Variants in POLN observed in about 807,000 individuals in gnomAD.
The protein encoded by POLN is DNA polymerase N.
POLN carries 108 observed loss-of-function variants against 113.5 expected under a neutral mutation model. The observed-to-expected ratio is 0.95, with a 90% CI of 0.81 to 1.12. The LOEUF (loss-of-function observed/expected upper bound fraction) is 1.12, where lower values mean the gene tolerates loss of function less well. Among genes scored for constraint, POLN ranks in the 50% most tolerant of loss-of-function variants. The pLI is 0.00. For missense variants in POLN, 1,097 were observed against 1,077.1 expected (o/e 1.02, Z -0.26); for synonymous variants, 386 against 391.5 (o/e 0.99, Z 0.17).
chr4:2,212,869 C>G (rs1014931111), intron 4 of POLN, among the ~76,000 whole-genome samples, 178 bp downstream of exon 4: 1 of 151,950 alleles, frequency 6.6e-6, no homozygotes. Flanking sequence ...CTCATGGCAC[C>G]TACTTGCCCC....
At chr4:2,206,317 C>T (rs1247179839) in intron 5 of POLN, among the ~76,000 whole-genome samples, 1 of 152,150 alleles carries the variant, frequency 6.6e-6, no homozygotes, top group African/African-American at 2.4e-5. Context: ...ATGGGAAAAA[C>T]CCTTCCAGAA....
chr4:2,157,465 G>A (rs561236621), intron 15 of POLN, among the ~76,000 whole-genome samples: 25 of 152,154 alleles, frequency 1.6e-4, no homozygotes, highest in African/African-American at 5.8e-4. Flanking sequence ...GGTAGCTCAC[G>A]CCTGTAATCC....
chr4:2,163,254 T>C (rs965573658), intron 13 of POLN, among the ~76,000 whole-genome samples: 4 of 152,218 alleles, frequency 2.6e-5, no homozygotes, highest in African/African-American at 7.2e-5. Context: ...GCAGTTTTTG[T>C]AGAAAAGCTA....
intron 15 of POLN, among the ~76,000 whole-genome samples, chr4:2,157,597 C>T (rs548907402): frequency 6.6e-6 from 1 of 151,828 alleles, no homozygotes; most frequent in Non-Finnish European, 1.5e-5. Flanking sequence ...GTGGCGGACA[C>T]CTGTAATCCC....
intron 2 of POLN, among the ~76,000 whole-genome samples, chr4:2,232,813 T>C (rs934690444): frequency 6.6e-6 from 1 of 152,178 alleles, no homozygotes; most frequent in East Asian, 1.9e-4. Flanking sequence ...CAAGTTTCCA[T>C]AGCTTTCTAA....
intron 25 of POLN, 41 bp from the exon 26 acceptor site, chr4:2,072,340 G>C: frequency 6.9e-7 from 1 of 1,455,586 alleles, no homozygotes; most frequent in Non-Finnish European, 9.1e-7. Context: ...GCCTGGGCCA[G>C]CCACCCCCAG....
intron 16 of POLN, among the ~76,000 whole-genome samples, chr4:2,135,775 C>T (rs1019502097): frequency 2.0e-5 from 3 of 152,200 alleles, no homozygotes; most frequent in African/African-American, 7.2e-5. Context: ...TATCACACGC[C>T]CATGAGAGCA....
intron 17 of POLN, 58 bp from the exon 18 acceptor site, chr4:2,129,314 T>C (rs1731664242): frequency 9.8e-7 from 1 of 1,016,568 alleles, no homozygotes; most frequent in Admixed American, 1.7e-5. Flanking sequence ...TGCATAGCTA[T>C]TCCTCAATAC....
At chr4:2,132,695 C>A (rs1731755419) in intron 16 of POLN, among the ~76,000 whole-genome samples, 1 of 152,246 alleles carries the variant, frequency 6.6e-6, no homozygotes, top group Non-Finnish European at 1.5e-5. Context: ...GGAGCCACAA[C>A]TTCCACAGAC....
intron 16 of POLN, among the ~76,000 whole-genome samples, chr4:2,134,405 T>C (rs1731802031): frequency 6.6e-6 from 1 of 152,218 alleles, no homozygotes; most frequent in Non-Finnish European, 1.5e-5. Context: ...TCATATGGTA[T>C]TTAGTTTTGA....
At chr4:2,134,341 T>C (rs936300154) in intron 16 of POLN, among the ~76,000 whole-genome samples, 6 of 152,348 alleles carry the variant, frequency 3.9e-5, no homozygotes, top group African/African-American at 1.4e-4. Context: ...GGTTCTTGTG[T>C]GGACATAAGT....
intron 23 of POLN, chr4:2,080,397 T>C: frequency 5.9e-6 from 6 of 1,011,674 alleles, no homozygotes; most frequent in Non-Finnish European, 7.0e-6. Context: ...ATCTGCATGT[T>C]GGCTCTGGGC....
At chr4:2,172,759 T>C (rs1170522095) in intron 11 of POLN, among the ~76,000 whole-genome samples, 2 of 152,198 alleles carry the variant, frequency 1.3e-5, no homozygotes, top group African/African-American at 4.8e-5. Context: ...TTGGGCATTA[T>C]TGAATAAAAC....
At chr4:2,207,947 G>A in intron 5 of POLN, 40 bp downstream of exon 5, 2 of 1,524,580 alleles carry the variant, frequency 1.3e-6, no homozygotes, top group South Asian at 1.3e-5. Flanking sequence ...CTTCTTTTAT[G>A]GTGTCAAGAC....
At chr4:2,157,954 A>C (rs1732478081) in intron 14 of POLN, 43 bp from the exon 15 acceptor site, 4 of 1,518,300 alleles carry the variant, frequency 2.6e-6, no homozygotes. Flanking sequence ...TTAAGTCTTA[A>C]GTCTTTTTTT....
chr4:2,209,937 C>T (rs944359072), intron 4 of POLN, among the ~76,000 whole-genome samples: 5 of 149,776 alleles, frequency 3.3e-5, no homozygotes, highest in Non-Finnish European at 7.4e-5. Context: ...GCTGGGATTA[C>T]AGGTGTGAGC....
chr4:2,242,101 G>C lies in POLN; in HGVS notation c.-334C>G, dbSNP rs552940361. 3 of 985,890 alleles carry C rather than the reference G, an allele frequency of 3.0e-6. No individual in the cohort carries two copies. Among genetic ancestry groups the C allele is most frequent in the Admixed American group, 1.2e-4 (2 of 16,294 alleles). 61.1% of individuals were successfully genotyped at this position (985,890 alleles called of 1,614,324 possible). ...CAGGAGCCCGCCGCCACCGCCCTCC[G>C]TGCCCCGCGCGCCTCGCACTGCCTC... On this transcript the variant is annotated 5_prime_UTR_variant, in exon 1 of 26. Coordinates refer to ENST00000511885, the MANE Select transcript of POLN (RefSeq NM_181808.4).
chr4:2,114,393 C>A (rs933568684), intron 19 of POLN, among the ~76,000 whole-genome samples: 1 of 152,268 alleles, frequency 6.6e-6, no homozygotes, highest in South Asian at 2.1e-4. Flanking sequence ...GCCTGAAGAA[C>A]CTCTTTTACC....
intron 19 of POLN, among the ~76,000 whole-genome samples, chr4:2,119,020 G>A (rs1048763801): frequency 6.6e-6 from 1 of 152,288 alleles, no homozygotes; most frequent in Non-Finnish European, 1.5e-5. Flanking sequence ...TACCAGGTAC[G>A]GAAGCACCAT....
Sources: allele counts gnomAD v4.1 joint callset (sites outside exome capture counted in the v4.1 genomes callset), GRCh38; gene constraint gnomAD v4.1.1; transcripts MANE v1.5; gene names NCBI Gene and HGNC (gene_info 2026-07-23, HGNC 2026-07-21).